Variants in SPIRE2 observed in about 807,000 individuals in gnomAD.
The protein encoded by SPIRE2 is spire type actin nucleation factor 2.
Under a neutral mutation model 80.7 loss-of-function variants are expected in SPIRE2, and 76 were observed. That is an observed-to-expected ratio of 0.94 (90% CI 0.78 to 1.14). The LOEUF (loss-of-function observed/expected upper bound fraction) is 1.14, where lower values mean the gene tolerates loss of function less well. Among genes scored for constraint, SPIRE2 ranks in the 50% most tolerant of loss-of-function variants. The pLI is 0.00. For missense variants in SPIRE2, 1,196 were observed against 1,015.3 expected (o/e 1.18, Z -2.42); for synonymous variants, 535 against 432.6 (o/e 1.24, Z -2.94).
At chr16:89,861,077 C>T (rs1048529791) in intron 10 of SPIRE2, among the ~76,000 whole-genome samples, 7 of 152,164 alleles carry the variant, frequency 4.6e-5, no homozygotes, top group African/African-American at 7.2e-5. Flanking sequence ...TTAGGGCAGA[C>T]GGTGAACCTG....
At position 89,850,457 on chromosome 16, in the gene SPIRE2, G is replaced by A; in HGVS notation, c.442G>A (p.Gly148Ser). ...EDSGCGAADE[G>S]YGGPEEEEEA... ...CAGCGGCTGCGGTGCCGCCGATGAG[G>A]GCTACGGGGGTCCCGAGGAGGAGGA... Residue 148 changes from glycine to serine, a missense_variant, in exon 3 of 15, where the codon GGC becomes AGC. Transcript: ENST00000378247. 1 of 1,562,384 alleles carries A rather than the reference G, an allele frequency of 6.4e-7. No individual in the cohort carries two copies. Among genetic ancestry groups the A allele is most frequent in the Non-Finnish European group, 8.7e-7 (1 of 1,155,920 alleles).
rs778782661 is a variant in SPIRE2, at chr16:89,855,700, C to T, written c.978+14C>T. 5 of 1,610,900 alleles carry T rather than the reference C, an allele frequency of 3.1e-6. No individual in the cohort carries two copies. In the East Asian group the frequency reaches 1.1e-4, roughly 36 times the overall value. ...CCACTGAAGCAGGTGCTGCCCCAGC[C>T]TCCTCCTCCTCAGGGGCCGCCCGGG... On this transcript the variant is annotated intron_variant, in intron 6 of 14. Coordinates refer to ENST00000378247, the MANE Select transcript of SPIRE2 (RefSeq NM_032451.2).
chr16:89,851,540 G>A (rs1006520454), intron 3 of SPIRE2, among the ~76,000 whole-genome samples: 3 of 152,090 alleles, frequency 2.0e-5, no homozygotes, highest in South Asian at 4.2e-4. Flanking sequence ...AGCAAGAGTC[G>A]GGCAGTGCTA....
In SPIRE2 at chr16:89,850,532, C is replaced by T. The variant is rs996968996; in HGVS notation, c.517C>T (p.Arg173Trp). 18 of 1,512,628 alleles carry T rather than the reference C, an allele frequency of 1.2e-5. No individual in the cohort carries two copies. The African/African-American group carries it at 2.2e-4, about 19-fold the overall frequency. 93.7% of individuals were successfully genotyped at this position (1,512,628 alleles called of 1,614,324 possible). ...CGTGCGCACCTTTGCCCAGGCCATGCGGCTGTGCGCGGCGCGGCTGACCGA... is the reference window on the plus strand; with the variant it reads ...CGTGCGCACCTTTGCCCAGGCCATGTGGCTGTGCGCGGCGCGGCTGACCGA... ...RSVRTFAQAM[R>W]LCAARLTDPR... The change falls in exon 3 of 15, where the codon CGG (arginine) becomes TGG (tryptophan). Residue 173 changes from arginine to tryptophan, a missense_variant. Coordinates refer to ENST00000378247, the MANE Select transcript of SPIRE2 (RefSeq NM_032451.2).
chr16:89,834,845 A>G (rs1384825504), intron 1 of SPIRE2, among the ~76,000 whole-genome samples: 2 of 142,896 alleles, frequency 1.4e-5, no homozygotes, highest in African/African-American at 2.6e-5. Flanking sequence ...AAGGCCCCAT[A>G]AGCATAGCCC....
chr16:89,837,601 G>A (rs1365320275), intron 1 of SPIRE2, among the ~76,000 whole-genome samples: 1 of 152,172 alleles, frequency 6.6e-6, no homozygotes, highest in Non-Finnish European at 1.5e-5. Flanking sequence ...GGGCTGGGTC[G>A]GGATCCCTGC....
intron 13 of SPIRE2, 47 bp from the exon 14 acceptor site, chr16:89,869,520 A>G (rs2041820234): frequency 7.5e-7 from 1 of 1,331,918 alleles, no homozygotes; most frequent in East Asian, 2.3e-5. Flanking sequence ...GTGTACCTGA[A>G]TGTCTCTGGT....
At chr16:89,845,245 G>A (rs1295779806) in intron 1 of SPIRE2, 77 bp from the exon 2 acceptor site, 2 of 1,302,614 alleles carry the variant, frequency 1.5e-6, no homozygotes, top group South Asian at 2.4e-5. Flanking sequence ...GTCCCCGAGG[G>A]GGAGGTGGGG....
chr16:89,857,065 CAA>C (rs149681607), intron 7 of SPIRE2, among the ~76,000 whole-genome samples: 6 of 90,432 alleles, frequency 6.6e-5, no homozygotes, highest in East Asian at 2.9e-4. Context: ...GACCTCGTTT[CAA>C]AAAAAAAAAA....
At chr16:89,870,027 G>C in intron 14 of SPIRE2, 23 bp from the exon 15 acceptor site, 1 of 1,602,696 alleles carries the variant, frequency 6.2e-7, no homozygotes, top group Non-Finnish European at 8.5e-7. Context: ...TCCTCTCCCT[G>C]AGTGCCCTCT....
chr16:89,859,852 G>A (rs1228682336), intron 9 of SPIRE2, among the ~76,000 whole-genome samples: 2 of 152,090 alleles, frequency 1.3e-5, no homozygotes, highest in Admixed American at 6.5e-5. Flanking sequence ...GAGCCCTCGC[G>A]ACTCAGGGTT....
intron 1 of SPIRE2, among the ~76,000 whole-genome samples, chr16:89,832,162 G>A (rs1330841007): frequency 2.6e-5 from 4 of 152,362 alleles, no homozygotes; most frequent in Non-Finnish European, 4.4e-5. Flanking sequence ...CCATGGTTAC[G>A]GCCCATGTGA....
Position 89,856,095 on chromosome 16 carries a change from C to T in SPIRE2, c.979-18C>T. 2 of 1,603,254 alleles carry T rather than the reference C, an allele frequency of 1.2e-6. No homozygotes were observed. Among genetic ancestry groups the T allele is most frequent in the Non-Finnish European group, 1.7e-6 (2 of 1,172,660 alleles). ...CAGGTCCTGCTTCCCCACCGCAGGTCTCGCTTCCCCACCGCAGGTCTCTGA... is the reference window on the plus strand; with the variant it reads ...CAGGTCCTGCTTCCCCACCGCAGGTTTCGCTTCCCCACCGCAGGTCTCTGA... On this transcript the variant is annotated intron_variant, in intron 6 of 14. Transcript: ENST00000378247.
chr16:89,870,208 C>G lies in SPIRE2; in HGVS notation c.2081C>G (p.Pro694Arg), dbSNP rs760027140. ...RKSVDVLNTT[P>R]RRSRQTQSLY... is the part of the protein sequence containing the mutation. ...AGCGTGGACGTCCTCAACACTACGC[C>G]ACGACGCAGTCGCCAGACCCAATCC... Residue 694 changes from proline to arginine, a missense_variant, in exon 15 of 15, where the codon CCA becomes CGA. Physicochemically the swap from Pro to Arg is moderately radical, Grantham distance 103. Transcript: ENST00000378247. 6.2e-7 allele frequency: 1 copy of G among 1,608,636 alleles called. No individual in the cohort carries two copies. The highest frequency in any genetic ancestry group is 8.5e-7 in the Non-Finnish European group (1 of 1,177,690).
intron 2 of SPIRE2, among the ~76,000 whole-genome samples, chr16:89,848,345 G>T (rs988793215): frequency 1.3e-5 from 2 of 152,264 alleles, no homozygotes; most frequent in African/African-American, 2.4e-5. Context: ...CTACAGCAGA[G>T]ATGAGATAAC....
At chr16:89,838,492 C>T (rs1462385086) in intron 1 of SPIRE2, among the ~76,000 whole-genome samples, 1 of 151,794 alleles carries the variant, frequency 6.6e-6, no homozygotes, top group African/African-American at 2.4e-5. Context: ...CCTACAATAA[C>T]TCTTATGGTA....
chr16:89,863,498 G>A lies in SPIRE2; in HGVS notation c.1598G>A (p.Ser533Asn). ...TAGGAGTTCAGCCACCCCGTGGAGA[G>A]CCTGGCGCTGACTGTGGAAGAGGTG... ...LWLEFSHPVE[S>N]LALTVEEVMD... Residue 533 changes from serine (S) to asparagine (N), a missense_variant, in exon 11 of 15, where the codon AGC (serine) becomes AAC (asparagine). Physicochemically the swap from Ser to Asn is conservative, Grantham distance 46. Coordinates refer to ENST00000378247, the MANE Select transcript of SPIRE2 (RefSeq NM_032451.2). This position sits in a 1 kb window ranked among gnomAD's most constrained non-coding sequence, Gnocchi z 4.3. The A allele has an allele frequency of 6.2e-7, 1 of 1,614,048 alleles. No individual in the cohort carries two copies. The highest frequency in any genetic ancestry group is 1.6e-4 in the Middle Eastern group (1 of 6,062).
At chr16:89,853,795 T>A (rs2041660290) in intron 3 of SPIRE2, among the ~76,000 whole-genome samples, 1 of 152,122 alleles carries the variant, frequency 6.6e-6, no homozygotes, top group Non-Finnish European at 1.5e-5. Flanking sequence ...CACCACAGTG[T>A]TGGCACCTTC....
rs777030291 is a variant in SPIRE2 at position 89,859,255 on chromosome 16, T to C, written c.1363T>C (p.Ser455Pro). Residue 455 changes from serine (S) to proline (P), a missense_variant, in exon 9 of 15, where the codon TCT (serine) becomes CCT (proline). By Grantham distance (74) the Ser-to-Pro change is moderately conservative. Transcript: ENST00000378247. ...DLAQLRSEVA[S>P]GLQSATHPPG... ...GGCCCAGCTCCGAAGTGAGGTGGCC[T>C]CTGGCCTGCAGTCGGCCACCCACCC... 4.5e-5 allele frequency: 73 copies of C among 1,608,322 alleles called. 2 individuals carry two copies. The South Asian group carries it at 6.5e-4, about 14-fold the overall frequency.
Sources: gnomAD v4.1 joint callset for allele counts (sites outside exome capture counted in the v4.1 genomes callset) on GRCh38, gnomAD v4.1.1 for gene constraint, Gnocchi (gnomAD v3.1) non-coding constraint, MANE v1.5 for transcripts, NCBI Gene and HGNC (gene_info 2026-07-23, HGNC 2026-07-21) for gene names.